The following ODR4 variants were observed in gnomAD, a reference collection of about 807,000 sequenced individuals.
ODR4 encodes the protein protein odr-4 homolog.
A neutral mutation model predicts 60.2 loss-of-function variants in ODR4; 47 were observed. That is an observed-to-expected ratio of 0.78 (90% CI 0.62 to 1.00). The LOEUF is 1.00. Among genes scored for constraint, ODR4 ranks in the 50% least tolerant of loss-of-function variants. ODR4 has a pLI of 0.00. For synonymous variants in ODR4, 178 were observed against 175.5 expected, an observed-to-expected ratio of 1.01 and a Z score of -0.11; for missense variants, 488 against 530.8, an observed-to-expected ratio of 0.92 and a Z score of 0.79.
At chr1:186,405,513 A>C (rs1281552819) in intron 11 of ODR4, among the ~76,000 whole-genome samples, 1 of 152,178 alleles carries the variant, frequency 6.6e-6, no homozygotes, top group Non-Finnish European at 1.5e-5. Context: ...AAGAATGTGT[A>C]ATCAACAGCT....
chr1:186,404,809 C>T (rs561005578), intron 11 of ODR4, among the ~76,000 whole-genome samples: 3 of 152,236 alleles, frequency 2.0e-5, no homozygotes, highest in East Asian at 3.9e-4. Flanking sequence ...TTCTTGACAA[C>T]GAAGTCTAGG....
intron 13 of ODR4, among the ~76,000 whole-genome samples, chr1:186,418,293 T>C (rs549259862): frequency 1.6e-4 from 21 of 133,234 alleles, no homozygotes; most frequent in African/African-American, 4.4e-4. Flanking sequence ...TTCTTTCTTT[T>C]TTTTTTTTTT....
At chr1:186,393,538 A>G (rs1660547983) in intron 8 of ODR4, among the ~76,000 whole-genome samples, 2 of 152,242 alleles carry the variant, frequency 1.3e-5, no homozygotes, top group Non-Finnish European at 2.9e-5. Context: ...AGCAGGGATC[A>G]GCAAACTTTA....
intron 4 of ODR4, among the ~76,000 whole-genome samples, chr1:186,387,514 A>G (rs1035270742): frequency 1.3e-5 from 2 of 152,176 alleles, no homozygotes; most frequent in African/African-American, 2.4e-5. Flanking sequence ...AACTTTAGAA[A>G]TGCTTTATCT....
chr1:186,396,322 T>C (rs1036221705), intron 9 of ODR4, among the ~76,000 whole-genome samples: 1 of 152,082 alleles, frequency 6.6e-6, no homozygotes, highest in Non-Finnish European at 1.5e-5. Context: ...TTTAAAACTT[T>C]TCCTGGCTGA....
At chr1:186,417,322 C>T in intron 12 of ODR4, 1 of 416,262 alleles carries the variant, frequency 2.4e-6, no homozygotes, top group Non-Finnish European at 4.3e-6. Context: ...TGGTTTAGTT[C>T]AATGATAAAG....
At chr1:186,376,352 T>C (rs1346551943) in intron 1 of ODR4, among the ~76,000 whole-genome samples, 1 of 152,226 alleles carries the variant, frequency 6.6e-6, no homozygotes, top group South Asian at 2.1e-4. Flanking sequence ...ATTTCTACAG[T>C]AACAGAACTT....
chr1:186,398,587 A>G lies in ODR4; in HGVS notation c.909+146A>G, dbSNP rs988626259. ...ATTGTGCAGTCCAAATGTACCATAT[A>G]ATTGGTGTGAAGATTTTCATATGTA... On this transcript the variant is annotated intron_variant, in intron 10 of 13. Transcript: ENST00000287859. 3 of 809,016 alleles carry G rather than the reference A, an allele frequency of 3.7e-6. No homozygotes were observed. The African/African-American group carries it at 5.3e-5, about 14-fold the overall frequency. The allele number at this position is 809,016 out of a possible 1,614,324, so 50.1% of individuals were successfully genotyped here.
Position 186,398,376 on chromosome 1 carries a change from A to G in ODR4, c.844A>G (p.Lys282Glu), listed in dbSNP as rs1660780463. The G allele has an allele frequency of 1.2e-6, 2 of 1,611,748 alleles. No homozygotes were observed. Among genetic ancestry groups the G allele is most frequent in the Non-Finnish European group, 1.7e-6 (2 of 1,178,638 alleles). The change falls in exon 10 of 14, where the codon AAG becomes GAG. Residue 282 changes from lysine to glutamate, a missense_variant. Transcript: ENST00000287859. ...GATATGTAGCGGTTCTGTAAACCTT[A>G]AGGGTGCTGTGAAATGCAGAGCTTA... ...VQICSGSVNL[K>E]GAVKCRAYIH...
At chr1:186,413,178 A>G (rs1011015450) in intron 12 of ODR4, among the ~76,000 whole-genome samples, 1 of 152,116 alleles carries the variant, frequency 6.6e-6, no homozygotes, top group Non-Finnish European at 1.5e-5. Flanking sequence ...CTTTTTGAGC[A>G]CCAACATGAT....
At position 186,399,666 on chromosome 1, in the gene ODR4, CTA is replaced by C. The variant is rs112344546; in HGVS notation, c.1000+624_1000+625del. 8.3e-3 allele frequency among the ~76,000 whole-genome samples: 1,260 copies of C among 152,136 alleles called. 24 individuals are homozygous for C. Among genetic ancestry groups the C allele is most frequent in the African/African-American group, 0.029 (1,205 of 41,500 alleles). On this transcript the variant is annotated intron_variant, in intron 11 of 13. Transcript: ENST00000287859. ...TAAAGTTAGTATTTTTTGTTGATAT[CTA>C]TGAGTATTTTAAATAATTTAGCCAT... is the stretch of plus-strand genomic sequence containing the variant.
chr1:186,396,108 T>C lies in ODR4; in HGVS notation c.780+2093T>C, dbSNP rs776349367. On this transcript the variant is annotated intron_variant, in intron 9 of 13. Transcript: ENST00000287859. ...TAAGATCTAGCCCAAATGCCACTAC[T>C]TGTGTAAGATTTCATTTGGTTCCCA... 9.2e-5 allele frequency among the ~76,000 whole-genome samples: 14 copies of C among 152,346 alleles called. 1 individual carries two copies. The South Asian group carries it at 1.7e-3, about 18-fold the overall frequency.
At position 186,379,970 on chromosome 1, in the gene ODR4, A is replaced by G. The variant is rs906816051; in HGVS notation, c.99+86A>G. The G allele has an allele frequency of 6.6e-6, 5 of 755,780 alleles. No homozygotes were observed. The African/African-American group carries it at 9.2e-5, about 14-fold the overall frequency. The allele number at this position is 755,780 out of a possible 1,614,324, so 46.8% of individuals were successfully genotyped here. On this transcript the variant is annotated intron_variant, in intron 2 of 13. Transcript: ENST00000287859. ...TTACTTGTTGATTTAAAGTTAAAAGATGCTATTTAATAATAAACTCAAGAT... is the reference window on the plus strand; with the variant it reads ...TTACTTGTTGATTTAAAGTTAAAAGGTGCTATTTAATAATAAACTCAAGAT...
Position 186,421,364 on chromosome 1 carries a change from A to T in ODR4, c.*2288A>T, listed in dbSNP as rs1007333367. ...AATGTAAAACTAAATAAACATTGTT[A>T]TGCAACATTAATAATGTGGAATTTT... On this transcript the variant is annotated 3_prime_UTR_variant, in exon 14 of 14. Transcript: ENST00000287859. 11 of 152,240 alleles carry T rather than the reference A, an allele frequency of 7.2e-5. No individual in the cohort carries two copies. The highest frequency in any genetic ancestry group is 1.5e-4 in the Non-Finnish European group (10 of 68,038). 9.4% of individuals were successfully genotyped at this position (152,240 alleles called of 1,614,324 possible).
chr1:186,400,433 C>T (rs1160477176), intron 11 of ODR4: 1 of 152,322 alleles, frequency 6.6e-6, no homozygotes, highest in African/African-American at 2.4e-5. Flanking sequence ...GTGCCCACCA[C>T]CACGCCTGGC....
chr1:186,385,862 G>T, intron 3 of ODR4, 126 bp from the exon 4 acceptor site: 1 of 587,890 alleles, frequency 1.7e-6, no homozygotes. Context: ...GTTGTTATCA[G>T]ATAGTTTTAT....
chr1:186,419,186 C>T lies in ODR4; in HGVS notation c.*110C>T, dbSNP rs1033048725. ...TTTAAAACACTAGCAGCCAGATCTG[C>T]TGCCATGATGCCTATTTGGTGTGTT... On this transcript the variant is annotated 3_prime_UTR_variant, in exon 14 of 14. Coordinates refer to ENST00000287859, the MANE Select transcript of ODR4 (RefSeq NM_017847.6). 5 of 919,604 alleles carry T rather than the reference C, an allele frequency of 5.4e-6. No individual in the cohort carries two copies. In the African/African-American group the frequency reaches 6.6e-5, roughly 12 times the overall value. The allele number at this position is 919,604 out of a possible 1,614,324, so 57.0% of individuals were successfully genotyped here. A position where few individuals can be genotyped will look rare whatever the true frequency, so the allele number is the denominator to read the frequency against.
chr1:186,380,532 G>T (rs1041505776), intron 2 of ODR4, among the ~76,000 whole-genome samples: 2 of 146,942 alleles, frequency 1.4e-5, no homozygotes, highest in Admixed American at 1.4e-4. Context: ...AGTGAAGGAA[G>T]AACGTGTTAA....
chr1:186,416,321 T>G (rs1282232812), intron 12 of ODR4, among the ~76,000 whole-genome samples: 1 of 151,854 alleles, frequency 6.6e-6, no homozygotes, highest in Non-Finnish European at 1.5e-5. Flanking sequence ...AGATCACTTA[T>G]AGTCAGGAGT....
Sources: allele counts gnomAD v4.1 joint callset (sites outside exome capture counted in the v4.1 genomes callset), GRCh38; gene constraint gnomAD v4.1.1; transcripts MANE v1.5; gene names NCBI Gene and HGNC (gene_info 2026-07-23, HGNC 2026-07-21).